ADAMTS12: variants seen among roughly 807,000 people sequenced by gnomAD.
The protein encoded by ADAMTS12 is ADAM metallopeptidase with thrombospondin type 1 motif 12, also known as A disintegrin and metalloproteinase with thrombospondin motifs 12.
Under a neutral mutation model 167.8 loss-of-function variants are expected in ADAMTS12, and 118 were observed. That is an observed-to-expected ratio of 0.70 (90% CI 0.61 to 0.82). The LOEUF is 0.82. Ranked by LOEUF, ADAMTS12 falls within the 40% of genes least tolerant of loss-of-function variation. The pLI is 0.00. For synonymous variants in ADAMTS12, 704 were observed against 716.9 expected (o/e 0.98, Z 0.29); for missense variants, 1,916 against 1,998.8 (o/e 0.96, Z 0.79).
At chr5:33,642,002 G>A in intron 10 of ADAMTS12, 47 bp from the exon 11 acceptor site, 1 of 1,546,048 alleles carries the variant, frequency 6.5e-7, no homozygotes, top group Non-Finnish European at 8.8e-7. Flanking sequence ...AAGGTTACCA[G>A]AGCAAGCTGA....
rs1034210650 is a variant in ADAMTS12, at chr5:33,735,343, C to T, written c.634+16061G>A. On this transcript the variant is annotated intron_variant, in intron 3 of 23. Coordinates refer to ENST00000504830, the MANE Select transcript of ADAMTS12 (RefSeq NM_030955.4). ...TGATGCTGCTGGTCCGGGGACTAAA[C>T]TTTGAGAACCAATGGTCTAGACCAG... Among the ~76,000 whole-genome samples, 3 of 152,136 alleles carry T rather than the reference C, an allele frequency of 2.0e-5. No homozygotes were observed. The East Asian group carries it at 5.8e-4, about 29-fold the overall frequency.
At chr5:33,540,313 A>G (rs171759) in intron 22 of ADAMTS12, among the ~76,000 whole-genome samples, 62,389 of 152,166 alleles carry the variant, frequency 0.41, 13,804 homozygotes, top group East Asian at 0.76. Context: ...GGAAGCTCGA[A>G]CTGGGCGGAG....
intron 16 of ADAMTS12, among the ~76,000 whole-genome samples, chr5:33,604,765 C>T (rs1276733305): frequency 6.6e-6 from 1 of 151,852 alleles, no homozygotes; most frequent in Non-Finnish European, 1.5e-5. Flanking sequence ...TCAAGTAAAA[C>T]TGCAAAAGTA....
chr5:33,620,370 A>G (rs148204463), intron 14 of ADAMTS12, among the ~76,000 whole-genome samples: 1 of 152,384 alleles, frequency 6.6e-6, no homozygotes, highest in African/African-American at 2.4e-5. Flanking sequence ...AATGAAAAAT[A>G]TTCAAGAATT....
intron 2 of ADAMTS12, among the ~76,000 whole-genome samples, chr5:33,838,185 C>T (rs10521008): frequency 0.021 from 3,224 of 152,182 alleles, 117 homozygotes; most frequent in African/African-American, 0.074. Context: ...GACTATGAAG[C>T]AATGGTTAAC....
chr5:33,806,464 T>C (rs1372976818), intron 2 of ADAMTS12, among the ~76,000 whole-genome samples: 1 of 152,234 alleles, frequency 6.6e-6, no homozygotes, highest in African/African-American at 2.4e-5. Flanking sequence ...TTTAACTTTT[T>C]AACATTCTTA....
intron 6 of ADAMTS12, among the ~76,000 whole-genome samples, chr5:33,661,195 T>A (rs1741245238): frequency 6.6e-6 from 1 of 152,200 alleles, no homozygotes; most frequent in Non-Finnish European, 1.5e-5. Context: ...AAGCCCTTCT[T>A]TCATCTAGAT....
Position 33,529,723 on chromosome 5 carries a change from G to GT in ADAMTS12, c.4607-2358dup, listed in dbSNP as rs377647136. ...TTTTGTGAAGAAATGAATGTCTTCTGTTAGCTTCCAGAGTCCTGTTTGGTG... is the reference window on the plus strand; with the variant it reads ...TTTTGTGAAGAAATGAATGTCTTCTGTTTAGCTTCCAGAGTCCTGTTTGGTG... On this transcript the variant is annotated intron_variant, in intron 23 of 23. Coordinates refer to ENST00000504830, the MANE Select transcript of ADAMTS12 (RefSeq NM_030955.4). 2.1e-3 allele frequency among the ~76,000 whole-genome samples: 325 copies of GT among 152,212 alleles called. 2 individuals are homozygous for GT. Among genetic ancestry groups the GT allele is most frequent in the African/African-American group, 7.5e-3 (312 of 41,520 alleles).
chr5:33,576,820 T>C lies in ADAMTS12; in HGVS notation c.3206A>G (p.Asp1069Gly). ...EGDLGGKQWQ[D>G]SSTQPELSSR... ...GCTCAGCTCAGGTTGGGTTGAGCTA[T>C]CTTGCCACTGTTTCCCACCCAGGTC... Residue 1069 changes from aspartate to glycine, a missense_variant, in exon 19 of 24, where the codon GAT (aspartate) becomes GGT (glycine). Asp to Gly is a moderately conservative substitution (Grantham distance 94). Coordinates refer to ENST00000504830, the MANE Select transcript of ADAMTS12 (RefSeq NM_030955.4). The C allele has an allele frequency of 1.2e-6, 2 of 1,614,178 alleles. No individual in the cohort carries two copies. The highest frequency in any genetic ancestry group is 2.2e-5 in the South Asian group (2 of 91,086).
chr5:33,691,226 C>T lies in ADAMTS12; in HGVS notation c.635-7171G>A, dbSNP rs1265835191. Among the ~76,000 whole-genome samples the T allele has an allele frequency of 2.0e-5, 3 of 152,152 alleles. No homozygotes were observed. The East Asian group carries it at 5.8e-4, about 29-fold the overall frequency. On this transcript the variant is annotated intron_variant, in intron 3 of 23. Coordinates refer to ENST00000504830, the MANE Select transcript of ADAMTS12 (RefSeq NM_030955.4). ...AAAAGAAAGACTACCTATATTGTGACTCTCCTACTGGGAAATTTAGTACAT... is the reference window on the plus strand; with the variant it reads ...AAAAGAAAGACTACCTATATTGTGATTCTCCTACTGGGAAATTTAGTACAT...
intron 22 of ADAMTS12, 22 bp downstream of exon 22, chr5:33,546,037 A>T (rs1054530106): frequency 6.3e-7 from 1 of 1,577,496 alleles, no homozygotes; most frequent in Non-Finnish European, 8.6e-7. Context: ...AAGTAAAAAA[A>T]GTATGTATAA....
chr5:33,541,168 A>G (rs1744678264), intron 22 of ADAMTS12, among the ~76,000 whole-genome samples: 1 of 152,246 alleles, frequency 6.6e-6, no homozygotes. Context: ...AAACCATGGC[A>G]TCAGAACTTC....
chr5:33,531,041 G>C (rs1744073911), intron 23 of ADAMTS12, among the ~76,000 whole-genome samples: 1 of 152,194 alleles, frequency 6.6e-6, no homozygotes, highest in Admixed American at 6.5e-5. Flanking sequence ...GAGGAGAAGA[G>C]ACACAGAGAG....
rs1220778986 is a variant in ADAMTS12, at chr5:33,534,772, A to G, written c.4606+61T>C. On this transcript the variant is annotated intron_variant, in intron 23 of 23. Transcript: ENST00000504830. ...AAATGTAAAGCTATCTACAAGTTGT[A>G]TCATGCAGGATGACATTTGTGCAAA... 17 of 1,542,964 alleles carry G rather than the reference A, an allele frequency of 1.1e-5. No individual in the cohort carries two copies. In the East Asian group the frequency reaches 3.8e-4, roughly 35 times the overall value.
chr5:33,671,775 TACAC>T (rs969638638), intron 5 of ADAMTS12, among the ~76,000 whole-genome samples: 1 of 143,702 alleles, frequency 7.0e-6, no homozygotes, highest in Non-Finnish European at 1.5e-5. Context: ...TCCACATACA[TACAC>T]ACACAACCAT....
chr5:33,690,776 A>G (rs1384789214), intron 3 of ADAMTS12, among the ~76,000 whole-genome samples: 1 of 152,152 alleles, frequency 6.6e-6, no homozygotes, highest in Admixed American at 6.5e-5. Flanking sequence ...TTTGTTAATT[A>G]TCTATTTAAC....
At chr5:33,608,092 T>C (rs747328773) in intron 16 of ADAMTS12, among the ~76,000 whole-genome samples, 1 of 152,156 alleles carries the variant, frequency 6.6e-6, no homozygotes, top group African/African-American at 2.4e-5. Flanking sequence ...AGAGGGGGCA[T>C]GGAAGCTCTA....
At chr5:33,644,856 G>A (rs1740600057) in intron 9 of ADAMTS12, among the ~76,000 whole-genome samples, 1 of 151,814 alleles carries the variant, frequency 6.6e-6, no homozygotes, top group African/African-American at 2.4e-5. Context: ...TCAACCTACT[G>A]AGTAGCTGGG....
intron 22 of ADAMTS12, among the ~76,000 whole-genome samples, chr5:33,542,035 C>T (rs1744725726): frequency 6.6e-6 from 1 of 152,068 alleles, no homozygotes; most frequent in Non-Finnish European, 1.5e-5. Flanking sequence ...TTAAAAGACA[C>T]AGACTAGCAT....
Sources: allele counts gnomAD v4.1 joint callset (sites outside exome capture counted in the v4.1 genomes callset), GRCh38; gene constraint gnomAD v4.1.1; transcripts MANE v1.5; gene names NCBI Gene and HGNC (gene_info 2026-07-23, HGNC 2026-07-21).